MAPK4: variants seen among roughly 807,000 people sequenced by gnomAD.
The protein encoded by MAPK4 is Erk3-related.
Under a neutral mutation model 47.7 loss-of-function variants are expected in MAPK4, and 22 were observed. The ratio of observed to expected loss-of-function variants is 0.46; its 90% confidence interval spans 0.33 to 0.66. The LOEUF (loss-of-function observed/expected upper bound fraction) is 0.66. MAPK4 is among the 30% of genes least tolerant of loss of function. MAPK4 has a pLI of 0.02. For synonymous variants in MAPK4, 390 were observed against 365.7 expected, an observed-to-expected ratio of 1.07 and a Z score of -0.76; for missense variants, 736 against 831.7, an observed-to-expected ratio of 0.88 and a Z score of 1.42.
intron 1 of MAPK4, among the ~76,000 whole-genome samples, chr18:50,662,816 G>C (rs1445263837): frequency 6.6e-6 from 1 of 152,216 alleles, no homozygotes; most frequent in Non-Finnish European, 1.5e-5. Flanking sequence ...ACCGTAATTT[G>C]CACATGTTAA....
chr18:50,664,466 G>A lies in MAPK4; in HGVS notation c.508G>A (p.Gly170Arg), dbSNP rs772337922. 6 of 1,609,010 alleles carry A rather than the reference G, an allele frequency of 3.7e-6. No homozygotes were observed. The highest frequency in any genetic ancestry group is 2.2e-5 in the South Asian group (2 of 90,502). Reference protein sequence around the residue: ...EDLVLKIGDFGLARIVDQHYS... With the variant: ...EDLVLKIGDFRLARIVDQHYS... The stretch of plus-strand genomic sequence containing the variant: ...CCTCGTGCTCAAGATTGGGGATTTC[G>A]GGTTGGCAAGGATCGTTGATCAGCA... Residue 170 changes from glycine (G) to arginine (R), a missense_variant, in exon 2 of 6, where the codon GGG becomes AGG. Gly to Arg is a moderately radical substitution (Grantham distance 125). Coordinates refer to ENST00000400384, the MANE Select transcript of MAPK4 (RefSeq NM_002747.4). This position sits in a 1 kb window ranked among gnomAD's most constrained non-coding sequence, Gnocchi z 6.0.
chr18:50,666,089 C>T (rs1156751068), intron 2 of MAPK4, among the ~76,000 whole-genome samples: 3 of 152,154 alleles, frequency 2.0e-5, no homozygotes, highest in Non-Finnish European at 4.4e-5. Context: ...TAAACCGGTA[C>T]ATTTGAGTAT....
intron 1 of MAPK4, among the ~76,000 whole-genome samples, chr18:50,650,477 C>T (rs938356085): frequency 1.3e-5 from 2 of 152,230 alleles, no homozygotes; most frequent in African/African-American, 4.8e-5. Flanking sequence ...AGACTGTCCA[C>T]TTTCCTGTGA....
Position 50,729,957 on chromosome 18 carries a change from G to T in MAPK4, c.*103G>T. 2 of 1,243,742 alleles carry T rather than the reference G, an allele frequency of 1.6e-6. No individual in the cohort carries two copies. Among genetic ancestry groups the T allele is most frequent in the Non-Finnish European group, 2.2e-6 (2 of 919,140 alleles). 77.0% of individuals were successfully genotyped at this position (1,243,742 alleles called of 1,614,324 possible). On this transcript the variant is annotated 3_prime_UTR_variant, in exon 6 of 6. Transcript: ENST00000400384. ...TTCCCGCCCCTCTCTGCTGCCTTGG[G>T]GTTGGCAGAACACGTGAAGGATCCG...
intron 3 of MAPK4, among the ~76,000 whole-genome samples, chr18:50,720,581 G>A (rs1461189574): frequency 1.3e-5 from 2 of 152,064 alleles, no homozygotes; most frequent in Non-Finnish European, 2.9e-5. Context: ...CCCCCGCTGT[G>A]GTTGAAGAAG....
At chr18:50,586,385 A>T (rs1241370017) in intron 1 of MAPK4, among the ~76,000 whole-genome samples, 1 of 151,826 alleles carries the variant, frequency 6.6e-6, no homozygotes, top group Non-Finnish European at 1.5e-5. Context: ...AAAAAATTAA[A>T]GTGGAAAATT....
intron 1 of MAPK4, among the ~76,000 whole-genome samples, chr18:50,603,557 C>T (rs1316931271): frequency 6.6e-6 from 1 of 151,912 alleles, no homozygotes; most frequent in East Asian, 1.9e-4. Flanking sequence ...CACTGATTTT[C>T]CACACTAGCC....
At chr18:50,610,730 G>A (rs1324728427) in intron 1 of MAPK4, among the ~76,000 whole-genome samples, 1 of 152,164 alleles carries the variant, frequency 6.6e-6, no homozygotes, top group Non-Finnish European at 1.5e-5. Flanking sequence ...CGATGAGACT[G>A]AACAGATGGT....
At chr18:50,674,482 C>A (rs992340115) in intron 2 of MAPK4, among the ~76,000 whole-genome samples, 2 of 152,062 alleles carry the variant, frequency 1.3e-5, no homozygotes, top group Non-Finnish European at 2.9e-5. Context: ...CTGGGAGAGA[C>A]CAGCCCTTAT....
chr18:50,597,007 A>G (rs2042488045), intron 1 of MAPK4, among the ~76,000 whole-genome samples: 1 of 152,198 alleles, frequency 6.6e-6, no homozygotes, highest in African/African-American at 2.4e-5. Context: ...TTAAAAGCAC[A>G]GATTTTGGCA....
chr18:50,626,415 C>T (rs1259145339), intron 1 of MAPK4, among the ~76,000 whole-genome samples: 2 of 152,114 alleles, frequency 1.3e-5, no homozygotes, highest in Non-Finnish European at 1.5e-5. Context: ...GCTTGGGCAT[C>T]ATGGCGTCTG....
At chr18:50,588,507 A>T (rs536696642) in intron 1 of MAPK4, among the ~76,000 whole-genome samples, 1 of 152,328 alleles carries the variant, frequency 6.6e-6, no homozygotes, top group East Asian at 1.9e-4. Context: ...CAAAGCAATT[A>T]ACAAGACCAG....
intron 1 of MAPK4, among the ~76,000 whole-genome samples, chr18:50,614,038 G>T (rs1161473769): frequency 2.6e-5 from 4 of 152,060 alleles, no homozygotes; most frequent in Non-Finnish European, 5.9e-5. Context: ...GGAAAGCTAT[G>T]GTCTTGATAT....
At chr18:50,648,449 A>T (rs2043012643) in intron 1 of MAPK4, among the ~76,000 whole-genome samples, 1 of 152,220 alleles carries the variant, frequency 6.6e-6, no homozygotes, top group African/African-American at 2.4e-5. Context: ...CTATTCAAAA[A>T]AACTTTTTAA....
In MAPK4 at chr18:50,630,900, C is replaced by G. The variant is rs1339721294; in HGVS notation, c.-870-32189C>G. 2.6e-5 allele frequency among the ~76,000 whole-genome samples: 4 copies of G among 152,188 alleles called. No homozygotes were observed. In the East Asian group the frequency reaches 5.8e-4, roughly 22 times the overall value. On this transcript the variant is annotated intron_variant, in intron 1 of 5. Coordinates refer to ENST00000400384, the MANE Select transcript of MAPK4 (RefSeq NM_002747.4). ...TTGGTTCAGTTCCACAGACAGGTAC[C>G]AAATGCCTCTGTTTACAGCCTTTCT...
At chr18:50,650,321 T>C (rs2043034234) in intron 1 of MAPK4, among the ~76,000 whole-genome samples, 1 of 141,724 alleles carries the variant, frequency 7.1e-6, no homozygotes, top group African/African-American at 2.6e-5. Flanking sequence ...CATTGCCCCC[T>C]TTCCACTACC....
At chr18:50,659,618 T>C (rs746845331) in intron 1 of MAPK4, among the ~76,000 whole-genome samples, 5 of 152,212 alleles carry the variant, frequency 3.3e-5, no homozygotes, top group Non-Finnish European at 5.9e-5. Context: ...TCAACTAAGC[T>C]GTTACCTGAG....
chr18:50,700,180 A>G (rs1393965984), intron 2 of MAPK4, among the ~76,000 whole-genome samples: 1 of 152,192 alleles, frequency 6.6e-6, no homozygotes, highest in Non-Finnish European at 1.5e-5. Flanking sequence ...TCTAGGGACC[A>G]ACCATGAGTT....
chr18:50,681,069 C>G (rs993400295), intron 2 of MAPK4, among the ~76,000 whole-genome samples: 3 of 151,966 alleles, frequency 2.0e-5, no homozygotes, highest in African/African-American at 7.3e-5. Flanking sequence ...ACATCCTCAC[C>G]AACACTTTTT....
Sources: gnomAD v4.1 joint callset for allele counts (sites outside exome capture counted in the v4.1 genomes callset) on GRCh38, gnomAD v4.1.1 for gene constraint, Gnocchi (gnomAD v3.1) non-coding constraint, MANE v1.5 for transcripts, NCBI Gene and HGNC (gene_info 2026-07-23, HGNC 2026-07-21) for gene names.